NTMT2: variants seen among roughly 807,000 people sequenced by gnomAD.
NTMT2 encodes the protein X-Pro-Lys N-terminal protein methyltransferase 1B.
In NTMT2, 21 loss-of-function variants were observed where a neutral mutation model predicts 23.4. The observed-to-expected ratio is 0.90, with a 90% CI of 0.64 to 1.29. NTMT2 has a LOEUF of 1.29. NTMT2 is among the 50% of genes most tolerant of loss of function. NTMT2 has a pLI of 0.00. For missense variants in NTMT2, 336 were observed against 352.0 expected (o/e 0.95, Z 0.36); for synonymous variants, 131 against 127.7 (o/e 1.03, Z -0.17).
At chr1:170,150,582 C>T (rs997915325) in intron 1 of NTMT2, among the ~76,000 whole-genome samples, 2 of 152,062 alleles carry the variant, frequency 1.3e-5, no homozygotes, top group Non-Finnish European at 1.5e-5. Context: ...TAAACCACTA[C>T]ATAATACAAT....
intron 1 of NTMT2, among the ~76,000 whole-genome samples, chr1:170,159,625 A>G (rs185159618): frequency 5.9e-5 from 9 of 151,994 alleles, no homozygotes; most frequent in Admixed American, 5.2e-4. Flanking sequence ...CCTCACTATT[A>G]TGGGTTTAGT....
chr1:170,157,746 T>A (rs1673192634), intron 1 of NTMT2, among the ~76,000 whole-genome samples: 1 of 152,176 alleles, frequency 6.6e-6, no homozygotes, highest in African/African-American at 2.4e-5. Flanking sequence ...GCTTGCTTCA[T>A]GCCCTGATCA....
chr1:170,147,382 A>G (rs1388125287), intron 1 of NTMT2, among the ~76,000 whole-genome samples: 2 of 151,098 alleles, frequency 1.3e-5, no homozygotes, highest in Non-Finnish European at 3.0e-5. Context: ...CTTTCATTTT[A>G]CTTTTTCAAA....
chr1:170,162,154 C>A (rs1673286869), intron 2 of NTMT2, among the ~76,000 whole-genome samples: 3 of 152,012 alleles, frequency 2.0e-5, no homozygotes, highest in South Asian at 4.2e-4. Flanking sequence ...AGACTTAAAC[C>A]CCAAGATAAA....
At chr1:170,159,420 G>GTTTT (rs1673225599) in intron 1 of NTMT2, among the ~76,000 whole-genome samples, 6 of 88,186 alleles carry the variant, frequency 6.8e-5, no homozygotes, top group Non-Finnish European at 1.1e-4. Context: ...TTTATGCTCT[G>GTTTT]GTTTTTTTTT....
Position 170,167,590 on chromosome 1 carries a change from T to C in NTMT2, c.685T>C (p.Cys229Arg), listed in dbSNP as rs1318111490. Reference sequence around the variant, plus strand: ...GAAGGACAATGTGGCCCGGGAGGGCTGTATCCTTGATCTCTCTGACAGCAG... The same window carrying C: ...GAAGGACAATGTGGCCCGGGAGGGCCGTATCCTTGATCTCTCTGACAGCAG... ...ILKDNVAREG[C>R]ILDLSDSSVT... Residue 229 changes from cysteine to arginine, a missense_variant, in exon 4 of 4, where the codon TGT becomes CGT. By Grantham distance (180) the Cys-to-Arg change is radical (BLOSUM62 -3). Transcript: ENST00000439373. 2.6e-6 allele frequency: 4 copies of C among 1,551,734 alleles called. No homozygotes were observed. In the South Asian group the frequency reaches 3.6e-5, roughly 14 times the overall value.
intron 1 of NTMT2, among the ~76,000 whole-genome samples, chr1:170,146,917 A>C (rs1269253919): frequency 6.6e-6 from 1 of 152,226 alleles, no homozygotes; most frequent in Admixed American, 6.5e-5. Context: ...TACTTTTTTC[A>C]GCCTCTGTGA....
rs1167846334 is a variant in NTMT2, at chr1:170,164,984, T to C, written c.331-1518T>C. ...TGTTCTTCATTGTACTTTTCTAGCA[T>C]AACGAAGGCCATTTGGGTGGACTGG... is the stretch of plus-strand genomic sequence containing the variant. On this transcript the variant is annotated intron_variant, in intron 2 of 3. Coordinates refer to ENST00000439373, the MANE Select transcript of NTMT2 (RefSeq NM_001136107.2). 3.9e-5 allele frequency among the ~76,000 whole-genome samples: 6 copies of C among 152,324 alleles called. No individual in the cohort carries two copies. In the South Asian group the frequency reaches 1.0e-3, roughly 26 times the overall value.
At chr1:170,158,769 G>A (rs1451813909) in intron 1 of NTMT2, among the ~76,000 whole-genome samples, 1 of 151,702 alleles carries the variant, frequency 6.6e-6, no homozygotes, top group African/African-American at 2.4e-5. Flanking sequence ...TTTATGTCCT[G>A]GAAATTTACT....
At chr1:170,146,288 G>C in intron 1 of NTMT2, 27 bp downstream of exon 1, 3 of 1,544,674 alleles carry the variant, frequency 1.9e-6, no homozygotes, top group Non-Finnish European at 2.6e-6. Context: ...TACTAGATAA[G>C]AAACAAGAAA....
chr1:170,157,303 A>C (rs1345402115), intron 1 of NTMT2, among the ~76,000 whole-genome samples: 2 of 152,148 alleles, frequency 1.3e-5, no homozygotes, highest in African/African-American at 4.8e-5. Context: ...AAAAGCTTCT[A>C]TGTATTTATT....
intron 1 of NTMT2, among the ~76,000 whole-genome samples, chr1:170,148,142 C>CTTTTTTTTTTTT (rs371620511): frequency 4.0e-5 from 3 of 74,566 alleles, no homozygotes; most frequent in East Asian, 4.6e-4. Flanking sequence ...TGAGGCACTC[C>CTTTTTTTTTTTT]TTTTTTTTTT....
intron 1 of NTMT2, among the ~76,000 whole-genome samples, chr1:170,158,393 A>G (rs1417465406): frequency 6.6e-6 from 1 of 152,004 alleles, no homozygotes; most frequent in Non-Finnish European, 1.5e-5. Context: ...ATTATTCATT[A>G]TTTGTCTGAA....
chr1:170,166,582 T>C lies in NTMT2; in HGVS notation c.411T>C (p.Pro137=). 1 of 1,552,334 alleles carries C rather than the reference T, an allele frequency of 6.4e-7. No individual in the cohort carries two copies. Among genetic ancestry groups the C allele is most frequent in the South Asian group, 1.2e-5 (1 of 84,062 alleles). The change falls in exon 3 of 4, where the codon CCT becomes CCC. Residue 137 remains proline, a synonymous_variant. Transcript: ENST00000439373. The stretch of plus-strand genomic sequence containing the variant: ...GGGTCAGCAAACACGTCTTATTGCC[T>C]GTTTTCAACAGTGTGGAGCTGGTGG... ...IGRVSKHVLL[P]VFNSVELVDM...
At position 170,166,141 on chromosome 1, in the gene NTMT2, T is replaced by TG. The variant is rs1557909975; in HGVS notation, c.331-361_331-360insG. Among the ~76,000 whole-genome samples the TG allele has an allele frequency of 4.3e-4, 7 of 16,328 alleles. No homozygotes were observed. The East Asian group carries it at 0.021, about 49-fold the overall frequency. 10.7% of individuals were successfully genotyped at this position (16,328 alleles called of 152,430 possible). ...ATTTTCTTTCTTTTTTTTTTTTTTCTTTTTTTTTTTTTTTTTGAGACGGAG... is the reference window on the plus strand; with the variant it reads ...ATTTTCTTTCTTTTTTTTTTTTTTCTGTTTTTTTTTTTTTTTTGAGACGGAG... On this transcript the variant is annotated intron_variant, in intron 2 of 3. Transcript: ENST00000439373.
intron 2 of NTMT2, among the ~76,000 whole-genome samples, chr1:170,164,112 A>G (rs1489551755): frequency 3.8e-5 from 4 of 105,270 alleles, no homozygotes; most frequent in Non-Finnish European, 7.8e-5. Context: ...ACAGAATGAG[A>G]CTCTATCTCA....
At chr1:170,150,246 T>G (rs1423776622) in intron 1 of NTMT2, among the ~76,000 whole-genome samples, 1 of 152,124 alleles carries the variant, frequency 6.6e-6, no homozygotes, top group Admixed American at 6.5e-5. Context: ...TGGGGAAATT[T>G]GCTGAAACAT....
At chr1:170,158,579 C>T (rs532324485) in intron 1 of NTMT2, among the ~76,000 whole-genome samples, 3 of 152,126 alleles carry the variant, frequency 2.0e-5, no homozygotes, top group South Asian at 2.1e-4. Context: ...CATCTCAGCA[C>T]TGTTAGATCT....
chr1:170,153,886 T>C (rs530178798), intron 1 of NTMT2, among the ~76,000 whole-genome samples: 1 of 151,920 alleles, frequency 6.6e-6, no homozygotes, highest in African/African-American at 2.4e-5. Context: ...CAGGTGCTAA[T>C]AGCCAAGATG....
Sources: allele counts gnomAD v4.1 joint callset (sites outside exome capture counted in the v4.1 genomes callset), GRCh38; gene constraint gnomAD v4.1.1; transcripts MANE v1.5; gene names NCBI Gene and HGNC (gene_info 2026-07-23, HGNC 2026-07-21).